The following ZNF582 variants were observed in gnomAD, a reference collection of about 807,000 sequenced individuals.
ZNF582 encodes the protein zinc finger protein 582.
Under a neutral mutation model 12.3 loss-of-function variants are expected in ZNF582, and 14 were observed. The ratio of observed to expected loss-of-function variants is 1.14; its 90% CI spans 0.75 to 1.78. The LOEUF (loss-of-function observed/expected upper bound fraction) is 1.78, where lower values mean the gene tolerates loss of function less well. ZNF582 is among the 40% of genes most tolerant of loss of function. ZNF582 has a pLI of 0.00. For synonymous variants in ZNF582, 210 were observed against 207.2 expected (o/e 1.01, Z -0.11); for missense variants, 567 against 616.5 (o/e 0.92, Z 0.85).
exon 5 of ZNF582, chr19:56,384,712 G>T: frequency 6.2e-7 from 1 of 1,611,962 alleles, no homozygotes; most frequent in East Asian, 2.2e-5. Context: ...CAGAATTGAA[G>T]GCCTTTCCAC....
chr19:56,391,843 A>G lies in ZNF582; in HGVS notation c.-80-11T>C. On this transcript the variant is annotated splice_polypyrimidine_tract_variant and intron_variant, in intron 1 of 4. Coordinates refer to ENST00000586929, the Ensembl canonical transcript of ZNF582. ...CCTGCGACGGTAGAGCTGGGGGAGG[A>G]AAGAGCAAACATGAGAGGCTAGGCT... 6.2e-7 allele frequency: 1 copy of G among 1,612,528 alleles called. No individual in the cohort carries two copies. Among genetic ancestry groups the G allele is most frequent in the Non-Finnish European group, 8.5e-7 (1 of 1,179,180 alleles).
intron 4 of ZNF582, 41 bp from the exon 5 acceptor site, chr19:56,385,225 T>A: frequency 6.6e-7 from 1 of 1,524,382 alleles, no homozygotes; most frequent in South Asian, 1.3e-5. Flanking sequence ...CTTCTTTTTT[T>A]TTCCAGATAA....
exon 5 of ZNF582, chr19:56,385,129 T>C: frequency 6.2e-7 from 1 of 1,612,314 alleles, no homozygotes; most frequent in Admixed American, 1.7e-5. Context: ...GTGATTCGAC[T>C]TCATAAACAT....
intron 4 of ZNF582, 121 bp from the exon 5 acceptor site, chr19:56,385,305 A>C: frequency 9.9e-7 from 1 of 1,011,084 alleles, no homozygotes; most frequent in Non-Finnish European, 1.4e-6. Context: ...CTAAGCAATT[A>C]TAAAATGGAC....
At chr19:56,390,221 CT>C in intron 3 of ZNF582, 125 bp from the exon 4 acceptor site, 1 of 1,358,118 alleles carries the variant, frequency 7.4e-7, no homozygotes, top group Non-Finnish European at 1.0e-6. Flanking sequence ...GGACAGTTGC[CT>C]GGGGGTAGGG....
exon 1 of ZNF582, chr19:56,393,510 CGGT>C (rs2042036728): frequency 2.0e-6 from 1 of 501,200 alleles, no homozygotes; most frequent in Non-Finnish European, 4.0e-6. Context: ...GCTTCCACCA[CGGT>C]ACCGGTGGAT....
chr19:56,384,599 T>C, exon 5 of ZNF582: 1 of 1,614,194 alleles, frequency 6.2e-7, no homozygotes, highest in South Asian at 1.1e-5. Flanking sequence ...AGTTCGCTGA[T>C]GTTCAATCAA....
At chr19:56,384,886 T>C in exon 5 of ZNF582, 1 of 1,612,928 alleles carries the variant, frequency 6.2e-7, no homozygotes, top group Non-Finnish European at 8.5e-7. Flanking sequence ...AGAAGTCTTT[T>C]CTACATTTAT....
chr19:56,385,849 T>C (rs2041961971), intron 4 of ZNF582, among the ~76,000 whole-genome samples: 1 of 152,198 alleles, frequency 6.6e-6, no homozygotes, highest in Non-Finnish European at 1.5e-5. Context: ...TTTGGGTTGA[T>C]GGAAATGTTC....
chr19:56,393,119 A>G, intron 1 of ZNF582, 101 bp downstream of exon 1: 2 of 1,043,554 alleles, frequency 1.9e-6, no homozygotes, highest in South Asian at 2.8e-5. Flanking sequence ...GAACCTCATG[A>G]AACAAGATTT....
intron 4 of ZNF582, chr19:56,387,333 C>T (rs1054862782): frequency 3.3e-5 from 5 of 152,064 alleles, no homozygotes; most frequent in African/African-American, 9.7e-5. Flanking sequence ...TGTAGTGATC[C>T]CAACATTATT....
intron 2 of ZNF582, 21 bp from the exon 3 acceptor site, chr19:56,390,522 G>A (rs1568787978): frequency 6.2e-7 from 1 of 1,613,716 alleles, no homozygotes; most frequent in Admixed American, 1.7e-5. Flanking sequence ...AGGCATGTAT[G>A]ATATATATGT....
chr19:56,383,676 T>A, exon 5 of ZNF582: 2 of 579,388 alleles, frequency 3.5e-6, no homozygotes, highest in South Asian at 1.4e-4. Flanking sequence ...AGAAATAAAA[T>A]TTCTCCCAAC....
At chr19:56,388,457 A>C (rs985586491) in intron 4 of ZNF582, 7 of 152,202 alleles carry the variant, frequency 4.6e-5, no homozygotes, top group Non-Finnish European at 1.0e-4. Flanking sequence ...ATCTGATCCA[A>C]GAGAAAACTA....
At chr19:56,388,067 T>A (rs1442445052) in intron 4 of ZNF582, among the ~76,000 whole-genome samples, 2 of 152,018 alleles carry the variant, frequency 1.3e-5, no homozygotes, top group African/African-American at 4.8e-5. Flanking sequence ...TGTGTGGACT[T>A]CTTCTGTATT....
chr19:56,392,870 G>T (rs1161685030), intron 1 of ZNF582, among the ~76,000 whole-genome samples: 1 of 152,174 alleles, frequency 6.6e-6, no homozygotes, highest in Admixed American at 6.5e-5. Flanking sequence ...TAACGTGTAA[G>T]TGAAATAATT....
At chr19:56,390,129 T>C (rs2042002816) in intron 3 of ZNF582, 33 bp from the exon 4 acceptor site, 5 of 1,604,038 alleles carry the variant, frequency 3.1e-6, no homozygotes, top group South Asian at 2.2e-5. Context: ...CACCTGGTTA[T>C]GGTGTGGGGG....
intron 4 of ZNF582, among the ~76,000 whole-genome samples, 157 bp from the exon 5 acceptor site, chr19:56,385,341 C>T (rs1255135083): frequency 6.6e-6 from 1 of 152,120 alleles, no homozygotes; most frequent in East Asian, 1.9e-4. Context: ...AGGAAAATAA[C>T]ATACATGAGA....
intron 1 of ZNF582, among the ~76,000 whole-genome samples, chr19:56,392,913 C>A (rs1345130595): frequency 6.6e-6 from 1 of 152,068 alleles, no homozygotes; most frequent in East Asian, 1.9e-4. Flanking sequence ...TAATAGGCAG[C>A]TTTTCCTTAT....
Sources: allele counts gnomAD v4.1 joint callset (sites outside exome capture counted in the v4.1 genomes callset), GRCh38; gene constraint gnomAD v4.1.1; transcripts MANE v1.5; gene names NCBI Gene and HGNC (gene_info 2026-07-23, HGNC 2026-07-21).